The following EML1 variants were observed in gnomAD, a reference collection of about 807,000 sequenced individuals.
EML1 encodes the protein EMAP like 1.
A neutral mutation model predicts 110.4 loss-of-function variants in EML1; 27 were observed. The observed-to-expected ratio is 0.24, with a 90% CI of 0.18 to 0.34. EML1 has a LOEUF of 0.34. Among genes scored for constraint, EML1 ranks in the 10% least tolerant of loss-of-function variants. EML1 has a pLI of 1.00. For synonymous variants in EML1, 344 were observed against 385.8 expected (o/e 0.89, Z 1.27); for missense variants, 741 against 1,030.9 (o/e 0.72, Z 3.85).
intron 5 of EML1, among the ~76,000 whole-genome samples, chr14:99,891,957 A>G (rs2059594556): frequency 6.6e-6 from 1 of 152,210 alleles, no homozygotes; most frequent in Non-Finnish European, 1.5e-5. Flanking sequence ...ACTCACTGAA[A>G]ATGTACTTGC....
In EML1 at chr14:99,748,163, G is replaced by C. The variant is rs147308912; in HGVS notation, c.28+10303G>C. 1.7e-3 allele frequency among the ~76,000 whole-genome samples: 265 copies of C among 152,240 alleles called. 2 individuals are homozygous for C. Among genetic ancestry groups the C allele is most frequent in the Non-Finnish European group, 2.9e-3 (200 of 68,000 alleles). On this transcript the variant is annotated intron_variant, in intron 1 of 10. Transcript: ENST00000554479. The stretch of plus-strand genomic sequence containing the variant: ...GGGTCTGTCAGGTGACCCTAGCTAA[G>C]AGCCTGTCACAGGGATGGCATCGCT...
chr14:99,812,169 C>T (rs140872971), intron 1 of EML1, among the ~76,000 whole-genome samples: 29 of 151,936 alleles, frequency 1.9e-4, no homozygotes, highest in Non-Finnish European at 2.9e-4. Flanking sequence ...GTGAACAGTA[C>T]GTGTGTGTTG....
rs1253984287 is a variant in EML1 at position 99,941,917 on chromosome 14, A to G, written c.*1805A>G. The G allele has an allele frequency of 6.6e-6, 1 of 152,276 alleles. No homozygotes were observed. The highest frequency in any genetic ancestry group is 2.4e-5 in the African/African-American group (1 of 41,476). 9.4% of individuals were successfully genotyped at this position (152,276 alleles called of 1,614,324 possible). On this transcript the variant is annotated 3_prime_UTR_variant, in exon 22 of 22. Transcript: ENST00000262233. ...TATGTACTCCTGTTTGCCAAGCTCA[A>G]TAATGGACAAAGGATACAAACACAC...
chr14:99,815,701 G>C (rs2058156128), intron 1 of EML1, among the ~76,000 whole-genome samples: 1 of 152,200 alleles, frequency 6.6e-6, no homozygotes, highest in South Asian at 2.1e-4. Flanking sequence ...CTGGAGATTA[G>C]TAGAATTAGG....
In EML1 at chr14:99,894,750, G is replaced by T; in HGVS notation, c.669G>T (p.Leu223=). The T allele has an allele frequency of 6.2e-7, 1 of 1,611,854 alleles. No homozygotes were observed. The highest frequency in any genetic ancestry group is 8.5e-7 in the Non-Finnish European group (1 of 1,178,998). Reference sequence around the variant, plus strand: ...AACTTCCAACCAAGAGACTCAAGCTGGAATGGGTGTATCCTTTATTCATTG... The same window carrying T: ...AACTTCCAACCAAGAGACTCAAGCTTGAATGGGTGTATCCTTTATTCATTG... ...KVELPTKRLK[L]EWVYGYRGRD... The change falls in exon 6 of 22, where the codon CTG becomes CTT. Residue 223 remains leucine, a synonymous_variant. Coordinates refer to ENST00000262233, the MANE Select transcript of EML1 (RefSeq NM_004434.3).
At chr14:99,771,236 C>T (rs2057425292), upstream of EML1, among the ~76,000 whole-genome samples, 2 of 152,164 alleles carry the variant, frequency 1.3e-5, no homozygotes, top group Admixed American at 1.3e-4. Context: ...AATTGGTCCT[C>T]ATCTTCCCTT....
rs1447258813 is a variant in EML1 at position 99,939,982 on chromosome 14, T to C, written c.2323-5T>C. Reference sequence around the variant, plus strand: ...GGAAGCTTTCCCCCGTATCATTCCCTCCAGGCTCCAAGCCACATCTACGGC... The same window carrying C: ...GGAAGCTTTCCCCCGTATCATTCCCCCCAGGCTCCAAGCCACATCTACGGC... On this transcript the variant is annotated splice_polypyrimidine_tract_variant and splice_region_variant and intron_variant, in intron 21 of 21. Transcript: ENST00000262233. This position sits in a 1 kb window ranked among gnomAD's most constrained non-coding sequence, Gnocchi z 4.2. 4.5e-6 allele frequency: 7 copies of C among 1,569,838 alleles called. No homozygotes were observed. The highest frequency in any genetic ancestry group is 2.3e-5 in the East Asian group (1 of 43,642).
intron 1 of EML1, among the ~76,000 whole-genome samples, chr14:99,813,478 G>GC (rs1280956470): frequency 5.3e-5 from 8 of 152,196 alleles, no homozygotes; most frequent in African/African-American, 1.9e-4. Context: ...ACTGTGGGAG[G>GC]CCGAGGCAGA....
intron 1 of EML1, among the ~76,000 whole-genome samples, chr14:99,804,414 C>T (rs1356244013): frequency 6.6e-6 from 1 of 152,122 alleles, no homozygotes; most frequent in African/African-American, 2.4e-5. Flanking sequence ...TTGTTTAATT[C>T]TCACAACACC....
chr14:99,875,115 T>A (rs2059268373), intron 3 of EML1: 1 of 771,942 alleles, frequency 1.3e-6, no homozygotes, highest in African/African-American at 1.8e-5. Flanking sequence ...ATCATGTAAC[T>A]ATATTAATCA....
rs550308432 is a variant in EML1, at chr14:99,881,490, T to C, written c.518+2871T>C. On this transcript the variant is annotated intron_variant, in intron 4 of 21. Transcript: ENST00000262233. ...TCTGTATAAATTATACAAATCTTAC[T>C]ATTGAACACAAAATAATAGTGTTTG... is the stretch of plus-strand genomic sequence containing the variant. Among the ~76,000 whole-genome samples, 3 of 152,354 alleles carry C rather than the reference T, an allele frequency of 2.0e-5. No individual in the cohort carries two copies. The East Asian group carries it at 5.8e-4, about 29-fold the overall frequency.
At chr14:99,786,827 G>T (rs1004354835) in intron 1 of EML1, among the ~76,000 whole-genome samples, 1 of 152,164 alleles carries the variant, frequency 6.6e-6, no homozygotes, top group African/African-American at 2.4e-5. Flanking sequence ...GCACCTCTTT[G>T]GGTAAGTTAA....
intron 1 of EML1, among the ~76,000 whole-genome samples, chr14:99,795,282 A>G (rs1007699818): frequency 5.9e-5 from 9 of 152,218 alleles, no homozygotes; most frequent in Non-Finnish European, 8.8e-5. Flanking sequence ...TTGCCAGCCT[A>G]GAGATATTGG....
chr14:99,856,657 A>G (rs1363229043), intron 2 of EML1, among the ~76,000 whole-genome samples: 1 of 152,136 alleles, frequency 6.6e-6, no homozygotes, highest in African/African-American at 2.4e-5. Context: ...TGTTTCTCTC[A>G]TTAGCTGCCC....
Position 99,781,595 on chromosome 14 carries a change from C to T in EML1, c.-27+7582C>T, listed in dbSNP as rs2057540427. Among the ~76,000 whole-genome samples the T allele has an allele frequency of 6.6e-6, 1 of 152,182 alleles. No homozygotes were observed. The highest frequency in any genetic ancestry group is 1.5e-5 in the Non-Finnish European group (1 of 68,034). Reference sequence around the variant, plus strand: ...TCTTCATGCTTCGTGTCCCCTGGCCCAGGTATGTGCACTTCCCATCAGTCT... The same window carrying T: ...TCTTCATGCTTCGTGTCCCCTGGCCTAGGTATGTGCACTTCCCATCAGTCT... On this transcript the variant is annotated intron_variant, in intron 1 of 22. Coordinates refer to the EML1 transcript ENST00000327921. The surrounding 1 kb of genome is among the most constrained non-coding windows in gnomAD (Gnocchi z 4.2).
chr14:99,846,066 GAAAAGAAAAAGAA>G (rs2058702953), intron 1 of EML1, among the ~76,000 whole-genome samples: 2 of 141,288 alleles, frequency 1.4e-5, no homozygotes, highest in South Asian at 4.5e-4. Flanking sequence ...AAAAAAAAAA[GAAAAGAAAAAGAA>G]AAAAGAAAAT....
chr14:99,899,731 G>A (rs554254656), intron 8 of EML1, among the ~76,000 whole-genome samples: 57 of 149,076 alleles, frequency 3.8e-4, no homozygotes, highest in Non-Finnish European at 6.5e-4. Flanking sequence ...TTTTTTTAAT[G>A]TTAAATGGCT....
rs555119978 is a variant in EML1, at chr14:99,905,708, A to G, written c.1009-1930A>G. Among the ~76,000 whole-genome samples the G allele has an allele frequency of 6.6e-6, 1 of 152,322 alleles. No homozygotes were observed. The highest frequency in any genetic ancestry group is 6.5e-5 in the Admixed American group (1 of 15,306). ...AGATGATAATAGCAGTTAACGTCCCATAGTGCCAAGCCTGTTCTTAGCTGA... is the reference window on the plus strand; with the variant it reads ...AGATGATAATAGCAGTTAACGTCCCGTAGTGCCAAGCCTGTTCTTAGCTGA... On this transcript the variant is annotated intron_variant, in intron 9 of 21. Coordinates refer to ENST00000262233, the MANE Select transcript of EML1 (RefSeq NM_004434.3). This position sits in a 1 kb window ranked among gnomAD's most constrained non-coding sequence, Gnocchi z 4.1.
At position 99,920,834 on chromosome 14, in the gene EML1, C is replaced by G. The variant is rs767048150; in HGVS notation, c.1866C>G (p.His622Gln). ...DTETKDLVTV[H>Q]TDGNEQLSVM... ...AAACAAAAGACTTGGTCACCGTTCA[C>G]ACAGATGGAAACGAACAGCTCTCTG... The change falls in exon 17 of 22, where the codon CAC becomes CAG. Residue 622 changes from histidine (H) to glutamine (Q), a missense_variant. Around this residue, in one of 4 missense-constraint regions of EML1, gnomAD observed 388 missense variants for 605.6 expected, o/e 0.64. Coordinates refer to ENST00000262233, the MANE Select transcript of EML1 (RefSeq NM_004434.3). The G allele has an allele frequency of 6.2e-7, 1 of 1,614,012 alleles. No homozygotes were observed. The highest frequency in any genetic ancestry group is 8.5e-7 in the Non-Finnish European group (1 of 1,179,986).
Sources: allele counts gnomAD v4.1 joint callset (sites outside exome capture counted in the v4.1 genomes callset), GRCh38; gene constraint gnomAD v4.1.1; regional missense constraint gnomAD v4.1.1; non-coding constraint Gnocchi (gnomAD v3.1); transcripts MANE v1.5; gene names NCBI Gene and HGNC (gene_info 2026-07-23, HGNC 2026-07-21).